RUFY3: variants seen among roughly 807,000 people sequenced by gnomAD.
RUFY3 encodes the protein protein RUFY3.
In RUFY3, 34 loss-of-function variants were observed where a neutral mutation model predicts 84.0. That is an observed-to-expected ratio of 0.40 (90% confidence interval 0.31 to 0.54). The LOEUF (loss-of-function observed/expected upper bound fraction) is 0.54. RUFY3 is among the 20% of genes least tolerant of loss of function. RUFY3 has a pLI of 0.39. For missense variants in RUFY3, 507 were observed against 736.8 expected, an observed-to-expected ratio of 0.69 and a Z score of 3.61; for synonymous variants, 242 against 252.9, an observed-to-expected ratio of 0.96 and a Z score of 0.41.
intron 8 of RUFY3, 149 bp downstream of exon 8, chr4:70,778,587 T>C (rs1578187304): frequency 4.0e-6 from 2 of 499,708 alleles, no homozygotes; most frequent in East Asian, 7.5e-5. Flanking sequence ...TTTTTTTTTT[T>C]TTTTTTTTTG....
intron 5 of RUFY3, among the ~76,000 whole-genome samples, chr4:70,769,575 A>G (rs187402300): frequency 6.6e-6 from 1 of 152,124 alleles, no homozygotes; most frequent in Admixed American, 6.6e-5. Flanking sequence ...GGCTGTGGCA[A>G]TTTCTTAAAA....
chr4:70,794,362 C>A (rs1302816072), intron 13 of RUFY3, among the ~76,000 whole-genome samples: 1 of 152,168 alleles, frequency 6.6e-6, no homozygotes, highest in African/African-American at 2.4e-5. Flanking sequence ...AGGTGTATCA[C>A]CTGAGGTCAG....
chr4:70,705,557 C>A (rs1355966874), intron 1 of RUFY3, among the ~76,000 whole-genome samples: 1 of 152,170 alleles, frequency 6.6e-6, no homozygotes, highest in East Asian at 1.9e-4. Context: ...GGTCTCTCTC[C>A]CGTCTTGGGC....
chr4:70,773,194 T>C (rs541933933), intron 5 of RUFY3, among the ~76,000 whole-genome samples: 1 of 152,272 alleles, frequency 6.6e-6, no homozygotes, highest in African/African-American at 2.4e-5. Flanking sequence ...TTTCTAAAAA[T>C]GAACAGGGAT....
At chr4:70,708,692 A>T (rs543839405) in intron 1 of RUFY3, among the ~76,000 whole-genome samples, 4 of 152,186 alleles carry the variant, frequency 2.6e-5, no homozygotes, top group Non-Finnish European at 4.4e-5. Flanking sequence ...GGTTTTAAAA[A>T]TTAAATTTTA....
chr4:70,728,163 A>G (rs1266176639), intron 1 of RUFY3, among the ~76,000 whole-genome samples: 1 of 152,240 alleles, frequency 6.6e-6, no homozygotes, highest in African/African-American at 2.4e-5. Flanking sequence ...TACTGAACTT[A>G]ATAGCTTAAG....
At chr4:70,716,802 G>T (rs1279732491) in intron 1 of RUFY3, among the ~76,000 whole-genome samples, 23 of 147,064 alleles carry the variant, frequency 1.6e-4, no homozygotes, top group African/African-American at 5.8e-4. Context: ...CCAAGATCAT[G>T]CCACTGCACT....
At chr4:70,741,496 A>G (rs1013213931) in intron 1 of RUFY3, 5 of 628,750 alleles carry the variant, frequency 8.0e-6, no homozygotes, top group African/African-American at 3.8e-5. Flanking sequence ...AATCGCTGTG[A>G]TAAGTAGAAA....
chr4:70,728,011 A>G (rs1276351998), intron 1 of RUFY3, among the ~76,000 whole-genome samples: 1 of 152,110 alleles, frequency 6.6e-6, no homozygotes, highest in Admixed American at 6.6e-5. Context: ...TTTAAAGAGG[A>G]TTTTTAAAGA....
chr4:70,749,419 G>T (rs953085651), intron 1 of RUFY3, among the ~76,000 whole-genome samples: 2 of 151,704 alleles, frequency 1.3e-5, no homozygotes, highest in African/African-American at 4.8e-5. Flanking sequence ...ATCTATTAAA[G>T]ATTAGAGAAA....
In RUFY3 at chr4:70,806,610, A is replaced by G. The variant is rs749913909; in HGVS notation, c.1814A>G (p.Asn605Ser). The G allele has an allele frequency of 2.6e-5, 42 of 1,614,022 alleles. No individual in the cohort carries two copies. The highest frequency in any genetic ancestry group is 1.6e-4 in the Middle Eastern group (1 of 6,084). The part of the protein sequence containing the change: ...PSSIKLERVC[N>S]PCHKHLMKQY... ...AGTATCAAGCTTGAGCGAGTTTGCA[A>G]TCCCTGTCACAAGCATCTGATGAAG... Residue 605 changes from asparagine (N) to serine (S), a missense_variant, in exon 18 of 18, where the codon AAT becomes AGT. Coordinates refer to ENST00000381006, the MANE Select transcript of RUFY3 (RefSeq NM_001037442.4).
intron 1 of RUFY3, among the ~76,000 whole-genome samples, chr4:70,714,957 A>C (rs890458224): frequency 1.3e-5 from 2 of 152,240 alleles, no homozygotes; most frequent in African/African-American, 4.8e-5. Context: ...AATTTTAACA[A>C]GTGAAAAGAT....
chr4:70,727,146 TG>T (rs752841512), intron 1 of RUFY3, among the ~76,000 whole-genome samples: 9 of 151,664 alleles, frequency 5.9e-5, no homozygotes, highest in Non-Finnish European at 1.2e-4. Flanking sequence ...ATGTGTTCTC[TG>T]TTTTTTTCAA....
intron 1 of RUFY3, among the ~76,000 whole-genome samples, chr4:70,706,109 GT>G (rs767290765): frequency 5.3e-5 from 8 of 152,110 alleles, no homozygotes; most frequent in Non-Finnish European, 1.2e-4. Flanking sequence ...CCCTAGAGTC[GT>G]CAATGAATAT....
intron 1 of RUFY3, among the ~76,000 whole-genome samples, chr4:70,739,651 G>A (rs1720978285): frequency 6.6e-6 from 1 of 152,076 alleles, no homozygotes; most frequent in Non-Finnish European, 1.5e-5. Flanking sequence ...GCTACCTCAA[G>A]AAGAGATTTC....
intron 7 of RUFY3, 33 bp from the exon 8 acceptor site, chr4:70,778,336 A>T: frequency 7.9e-7 from 1 of 1,260,338 alleles, no homozygotes; most frequent in Non-Finnish European, 1.2e-6. Flanking sequence ...TCTGTTTTTC[A>T]AAAGTGACTT....
upstream of RUFY3, among the ~76,000 whole-genome samples, chr4:70,716,974 C>T (rs1741700319): frequency 6.6e-6 from 1 of 151,848 alleles, no homozygotes; most frequent in Non-Finnish European, 1.5e-5. Flanking sequence ...ATTGCTTAGA[C>T]CTTCATATAT....
chr4:70,807,897 G>T lies in RUFY3; in HGVS notation c.*1238G>T, dbSNP rs1732995459. Among the ~76,000 whole-genome samples the T allele has an allele frequency of 6.6e-6, 1 of 152,116 alleles. No individual in the cohort carries two copies. Among genetic ancestry groups the T allele is most frequent in the Non-Finnish European group, 1.5e-5 (1 of 68,022 alleles). ...TATTCTGAGTGAGTCACGAATGAGA[G>T]CTGATAGATGCTTTCTTGAAAAGGG... On this transcript the variant is annotated 3_prime_UTR_variant, in exon 18 of 18. Transcript: ENST00000381006.
chr4:70,721,279 G>A (rs1297655667), upstream of RUFY3, among the ~76,000 whole-genome samples: 2 of 151,524 alleles, frequency 1.3e-5, no homozygotes, highest in Non-Finnish European at 2.9e-5. Context: ...GGGCTACAGA[G>A]CAAGACTCTG....
Sources: gnomAD v4.1 joint callset for allele counts (sites outside exome capture counted in the v4.1 genomes callset) on GRCh38, gnomAD v4.1.1 for gene constraint, MANE v1.5 for transcripts, NCBI Gene and HGNC (gene_info 2026-07-23, HGNC 2026-07-21) for gene names.